Variants in ZC3H11A observed in about 807,000 individuals in gnomAD.
ZC3H11A encodes zinc finger CCCH domain-containing protein 11A.
In ZC3H11A, 22 loss-of-function variants were observed where a neutral mutation model predicts 90.8. The ratio of observed to expected loss-of-function variants is 0.24; its 90% CI spans 0.17 to 0.35. The LOEUF is 0.35. Among genes scored for constraint, ZC3H11A ranks in the 10% least tolerant of loss-of-function variants. The pLI is 1.00. For synonymous variants in ZC3H11A, 294 were observed against 339.8 expected (o/e 0.87, Z 1.48); for missense variants, 701 against 964.9 (o/e 0.73, Z 3.62).
chr1:203,816,420 T>C (rs1676393882), intron 2 of ZC3H11A, among the ~76,000 whole-genome samples: 1 of 152,060 alleles, frequency 6.6e-6, no homozygotes. Flanking sequence ...AGGCAGGAGT[T>C]CAAGACCAGA....
At chr1:203,803,162 T>C (rs939466604) in intron 2 of ZC3H11A, 146 bp downstream of exon 2, 6 of 152,196 alleles carry the variant, frequency 3.9e-5, no homozygotes, top group Non-Finnish European at 7.3e-5. Flanking sequence ...TTTTTAGTTT[T>C]GGGATGGAAA....
intron 3 of ZC3H11A, among the ~76,000 whole-genome samples, chr1:203,817,912 C>A (rs1368729051): frequency 6.6e-6 from 1 of 151,990 alleles, no homozygotes; most frequent in Non-Finnish European, 1.5e-5. Context: ...GCCACCACAC[C>A]CAGCTAACTG....
At chr1:203,822,381 T>C (rs1679071345) in intron 4 of ZC3H11A, among the ~76,000 whole-genome samples, 3 of 151,946 alleles carry the variant, frequency 2.0e-5, no homozygotes, top group Admixed American at 2.0e-4. Flanking sequence ...TGCTTTACCA[T>C]AGGGACCTCT....
chr1:203,836,475 C>T (rs573054373), intron 10 of ZC3H11A, among the ~76,000 whole-genome samples: 5 of 152,242 alleles, frequency 3.3e-5, no homozygotes, highest in East Asian at 1.9e-4. Context: ...GAAGGCTGGG[C>T]GCGGTAGCTT....
chr1:203,837,304 A>G (rs1027877784), intron 10 of ZC3H11A, among the ~76,000 whole-genome samples: 4 of 150,000 alleles, frequency 2.7e-5, no homozygotes, highest in African/African-American at 9.8e-5. Flanking sequence ...AAAAAAAAAA[A>G]GGGTTCTTTT....
intron 5 of ZC3H11A, among the ~76,000 whole-genome samples, chr1:203,828,711 G>T (rs751762423): frequency 6.6e-6 from 1 of 152,136 alleles, no homozygotes; most frequent in Non-Finnish European, 1.5e-5. Flanking sequence ...TAGGTCAAAG[G>T]TTGGCAAAAC....
chr1:203,847,727 T>C (rs1306214603), intron 13 of ZC3H11A, 40 bp downstream of exon 13: 1 of 1,588,212 alleles, frequency 6.3e-7, no homozygotes, highest in African/African-American at 1.4e-5. Flanking sequence ...CGTCCCCACA[T>C]AATATTCCAG....
At chr1:203,822,474 G>A (rs1254642027) in intron 4 of ZC3H11A, among the ~76,000 whole-genome samples, 1 of 151,926 alleles carries the variant, frequency 6.6e-6, no homozygotes, top group East Asian at 1.9e-4. Flanking sequence ...ACACCTTTGG[G>A]CTGTGATACT....
chr1:203,844,108 T>C (rs183329507), intron 12 of ZC3H11A, among the ~76,000 whole-genome samples: 8 of 152,176 alleles, frequency 5.3e-5, no homozygotes, highest in African/African-American at 1.9e-4. Flanking sequence ...CTGCCCACTT[T>C]GGCCTCCCAA....
Position 203,847,338 on chromosome 1 carries a change from C to T in ZC3H11A, c.1197C>T (p.Ser399=). 3 of 1,613,740 alleles carry T rather than the reference C, an allele frequency of 1.9e-6. No individual in the cohort carries two copies. The highest frequency in any genetic ancestry group is 2.5e-6 in the Non-Finnish European group (3 of 1,179,814). ...CTACTTCAGGAGCAAGAAGCTCCTCCACTATCCGTATCAAAACCTTCTCTG... is the reference window on the plus strand; with the variant it reads ...CTACTTCAGGAGCAAGAAGCTCCTCTACTATCCGTATCAAAACCTTCTCTG... The part of the protein sequence containing the change: ...DDSTSGARSS[S]TIRIKTFSEV... Residue 399 remains serine, a synonymous_variant, in exon 13 of 18, where the codon TCC becomes TCT. Coordinates refer to ENST00000367210, the MANE Select transcript of ZC3H11A (RefSeq NM_001376342.1).
intron 10 of ZC3H11A, among the ~76,000 whole-genome samples, chr1:203,836,247 T>C (rs560620723): frequency 5.3e-5 from 8 of 152,302 alleles, no homozygotes; most frequent in African/African-American, 1.4e-4. Context: ...TCTTAAAATA[T>C]AGAAATGAGC....
At chr1:203,840,885 C>G (rs1163997220) in intron 12 of ZC3H11A, among the ~76,000 whole-genome samples, 3 of 152,122 alleles carry the variant, frequency 2.0e-5, no homozygotes, top group Admixed American at 6.6e-5. Flanking sequence ...CCACCTGCCT[C>G]AGCCTCCCAA....
chr1:203,805,286 C>G (rs1319182633), intron 2 of ZC3H11A, among the ~76,000 whole-genome samples: 3 of 151,538 alleles, frequency 2.0e-5, no homozygotes, highest in Non-Finnish European at 1.5e-5. Context: ...CGCCCGCCAC[C>G]ACACCCGGCT....
chr1:203,799,144 A>G (rs1156244408), intron 1 of ZC3H11A: 1 of 1,499,844 alleles, frequency 6.7e-7, no homozygotes, highest in Admixed American at 2.0e-5. Flanking sequence ...AATATTTTAC[A>G]AGAATTAAAT....
At chr1:203,805,182 G>A (rs1671885631) in intron 2 of ZC3H11A, among the ~76,000 whole-genome samples, 1 of 143,808 alleles carries the variant, frequency 7.0e-6, no homozygotes, top group African/African-American at 2.6e-5. Flanking sequence ...TTGCTCTGTC[G>A]CCCAGGCTGT....
chr1:203,816,941 A>G lies in ZC3H11A; in HGVS notation c.-130A>G, dbSNP rs1676581388. On this transcript the variant is annotated 5_prime_UTR_variant, in exon 3 of 18. Transcript: ENST00000367210. The stretch of plus-strand genomic sequence containing the variant: ...CTCATTTTAGGATTACAGTTTAAAG[A>G]CAATTTCTGTGATCAAGTTGTCATT... 1 of 594,382 alleles carries G rather than the reference A, an allele frequency of 1.7e-6. No homozygotes were observed. The highest frequency in any genetic ancestry group is 2.9e-6 in the Non-Finnish European group (1 of 341,286). The allele number at this position is 594,382 out of a possible 1,614,324, so 36.8% of individuals were successfully genotyped here. A position where few individuals can be genotyped will look rare whatever the true frequency, so the allele number is the denominator to read the frequency against.
rs920166536 is a variant in ZC3H11A, at chr1:203,848,427, A to T, written c.1623+20A>T. 1 of 1,590,164 alleles carries T rather than the reference A, an allele frequency of 6.3e-7. No homozygotes were observed. Among genetic ancestry groups the T allele is most frequent in the African/African-American group, 1.4e-5 (1 of 73,988 alleles). On this transcript the variant is annotated intron_variant, in intron 14 of 17. Transcript: ENST00000367210. Reference sequence around the variant, plus strand: ...AAAGAGGTAAATTTAAGATTATTGTATGGTTTTGTTCATGGCAAACAAAGG... The same window carrying T: ...AAAGAGGTAAATTTAAGATTATTGTTTGGTTTTGTTCATGGCAAACAAAGG...
chr1:203,831,570 G>T, intron 8 of ZC3H11A, 91 bp from the exon 9 acceptor site: 3 of 988,534 alleles, frequency 3.0e-6, no homozygotes, highest in Non-Finnish European at 4.7e-6. Flanking sequence ...AGTCTGTATT[G>T]GACTTAACTG....
intron 2 of ZC3H11A, among the ~76,000 whole-genome samples, chr1:203,807,817 C>G (rs536124693): frequency 1.3e-5 from 2 of 152,252 alleles, no homozygotes; most frequent in Admixed American, 6.5e-5. Flanking sequence ...TCACGGCTCA[C>G]TGCAGCCTCG....
Sources: allele counts gnomAD v4.1 joint callset (sites outside exome capture counted in the v4.1 genomes callset), GRCh38; gene constraint gnomAD v4.1.1; transcripts MANE v1.5; gene names NCBI Gene and HGNC (gene_info 2026-07-23, HGNC 2026-07-21).